The following ZNRF3 variants were observed in gnomAD, a reference collection of about 807,000 sequenced individuals.
ZNRF3 encodes the protein zinc and ring finger 3, also known as E3 ubiquitin-protein ligase ZNRF3.
Under a neutral mutation model 72.5 loss-of-function variants are expected in ZNRF3, and 23 were observed. That is an observed-to-expected ratio of 0.32 (90% confidence interval 0.23 to 0.45). ZNRF3 has a LOEUF of 0.45. ZNRF3 is among the 20% of genes least tolerant of loss of function. The pLI is 1.00. For synonymous variants in ZNRF3, 610 were observed against 545.3 expected, an observed-to-expected ratio of 1.12 and a Z score of -1.65; for missense variants, 1,169 against 1,272.1, an observed-to-expected ratio of 0.92 and a Z score of 1.23.
chr22:28,906,058 C>T (rs181879915), intron 1 of ZNRF3, among the ~76,000 whole-genome samples: 69 of 152,320 alleles, frequency 4.5e-4, no homozygotes, highest in Non-Finnish European at 8.4e-4. Context: ...AGCATGGTGG[C>T]TCACGCCTAT....
chr22:28,890,473 C>G (rs568557867), intron 1 of ZNRF3, among the ~76,000 whole-genome samples: 3 of 152,288 alleles, frequency 2.0e-5, no homozygotes, highest in Non-Finnish European at 4.4e-5. Flanking sequence ...GCACTCCAGC[C>G]TGAGCGACAG....
chr22:29,033,504 A>C (rs575542146), intron 2 of ZNRF3, among the ~76,000 whole-genome samples: 9 of 152,192 alleles, frequency 5.9e-5, no homozygotes, highest in African/African-American at 2.2e-4. Flanking sequence ...ATGATTGAGA[A>C]CGGTCCCTCT....
intron 1 of ZNRF3, among the ~76,000 whole-genome samples, chr22:28,923,588 T>C (rs1330058198): frequency 2.0e-5 from 3 of 152,090 alleles, no homozygotes; most frequent in Non-Finnish European, 4.4e-5. Flanking sequence ...CGTCCCTCCA[T>C]ATACTCACCA....
Position 28,942,717 on chromosome 22 carries a change from C to T in ZNRF3, c.301-44359C>T, listed in dbSNP as rs141613819. 1.4e-3 allele frequency among the ~76,000 whole-genome samples: 215 copies of T among 152,330 alleles called. 5 individuals are homozygous for T. The South Asian group carries it at 0.033, about 23-fold the overall frequency. ...GTTTGAGGTGTCCACTTAAGAGCTG[C>T]AAACTCTATTGACCCTTGTGTCTTT... On this transcript the variant is annotated intron_variant, in intron 1 of 8. Transcript: ENST00000544604.
chr22:28,930,675 C>T lies in ZNRF3; in HGVS notation c.300+46609C>T, dbSNP rs144172263. Among the ~76,000 whole-genome samples the T allele has an allele frequency of 3.0e-3, 455 of 152,278 alleles. 3 individuals carry two copies. Among genetic ancestry groups the T allele is most frequent in the African/African-American group, 0.01 (425 of 41,554 alleles). ...AAATGCCTTTATAAATGTTCCATGG[C>T]GCACTGGTATGTTATTAATGAGCTG... On this transcript the variant is annotated intron_variant, in intron 1 of 8. Transcript: ENST00000544604.
chr22:29,050,903 C>T lies in ZNRF3; in HGVS notation c.2722C>T (p.Leu908Phe), dbSNP rs1348849092. Residue 908 changes from leucine (L) to phenylalanine (F), a missense_variant, in exon 8 of 9, where the codon CTC becomes TTC. This residue lies in a region of ZNRF3 where 783 missense variants were observed against 731.4 expected (regional missense o/e 1.07). Coordinates refer to ENST00000544604, the MANE Select transcript of ZNRF3 (RefSeq NM_001206998.2). ...GAVRANFPSALQDTQESSTTA... is the reference protein window; with the variant it reads ...GAVRANFPSAFQDTQESSTTA... ...TGTCAGGGCCAACTTCCCTAGTGCC[C>T]TCCAGGACACTCAGGAGTCCAGCAC... 1 of 1,558,844 alleles carries T rather than the reference C, an allele frequency of 6.4e-7. No individual in the cohort carries two copies.
chr22:28,968,502 G>A (rs939985339), intron 1 of ZNRF3, among the ~76,000 whole-genome samples: 1 of 152,128 alleles, frequency 6.6e-6, no homozygotes, highest in African/African-American at 2.4e-5. Flanking sequence ...CTGAGGTTAG[G>A]AGTTCAAGAC....
At chr22:28,887,235 A>AGAGTGTGT (rs376319811) in intron 1 of ZNRF3, among the ~76,000 whole-genome samples, 22 of 93,170 alleles carry the variant, frequency 2.4e-4, no homozygotes, top group South Asian at 9.1e-4. Flanking sequence ...AGAGAGAGAG[A>AGAGTGTGT]GTGTGTGTGT....
chr22:28,929,631 A>G lies in ZNRF3; in HGVS notation c.300+45565A>G, dbSNP rs545145161. Among the ~76,000 whole-genome samples the G allele has an allele frequency of 8.5e-5, 13 of 152,362 alleles. No individual in the cohort carries two copies. In the South Asian group the frequency reaches 2.1e-3, roughly 24 times the overall value. The stretch of plus-strand genomic sequence containing the variant: ...TTCTTTTATAATAAGCCCCATCCCA[A>G]TCTGAAAATCCAGAAGTGTCTAGAT... On this transcript the variant is annotated intron_variant, in intron 1 of 8. Transcript: ENST00000544604.
intron 2 of ZNRF3, among the ~76,000 whole-genome samples, chr22:29,035,456 TAAG>T (rs1171133332): frequency 1.3e-5 from 2 of 152,252 alleles, no homozygotes; most frequent in Admixed American, 6.5e-5. Flanking sequence ...GTGTAGCTGG[TAAG>T]AAGAATGAAT....
At chr22:28,943,185 C>T (rs566422111) in intron 1 of ZNRF3, among the ~76,000 whole-genome samples, 2 of 152,296 alleles carry the variant, frequency 1.3e-5, no homozygotes, top group South Asian at 2.1e-4. Flanking sequence ...CCTCCTCCTC[C>T]TTCTGTCTCC....
intron 1 of ZNRF3, among the ~76,000 whole-genome samples, chr22:28,907,474 C>T (rs111281649): frequency 1.1e-4 from 16 of 152,144 alleles, no homozygotes; most frequent in Admixed American, 2.0e-4. Context: ...AATGTACAAG[C>T]GACTCACCAA....
Position 29,051,471 on chromosome 22 carries a change from G to A in ZNRF3, c.2767+523G>A, listed in dbSNP as rs1052945649. Among the ~76,000 whole-genome samples, 3 of 152,130 alleles carry A rather than the reference G, an allele frequency of 2.0e-5. No individual in the cohort carries two copies. In the East Asian group the frequency reaches 5.8e-4, roughly 29 times the overall value. The stretch of plus-strand genomic sequence containing the variant: ...GTACAAAAGTTAGCCAGGGGTGGTG[G>A]CGGGTGCCTGTAGTCCCAGCTACTC... On this transcript the variant is annotated intron_variant, in intron 8 of 8. Transcript: ENST00000544604.
At chr22:29,005,240 A>G (rs1236614278) in intron 2 of ZNRF3, among the ~76,000 whole-genome samples, 1 of 152,236 alleles carries the variant, frequency 6.6e-6, no homozygotes, top group Non-Finnish European at 1.5e-5. Flanking sequence ...CTCACTTGCC[A>G]GGAGGAAAAC....
intron 2 of ZNRF3, among the ~76,000 whole-genome samples, chr22:29,027,468 C>T (rs992647785): frequency 2.0e-5 from 3 of 151,996 alleles, no homozygotes; most frequent in Non-Finnish European, 4.4e-5. Context: ...AGGCTGGTCT[C>T]GAACTCCTGA....
At chr22:29,025,615 A>G (rs1486188486) in intron 2 of ZNRF3, 2 of 151,690 alleles carry the variant, frequency 1.3e-5, no homozygotes, top group African/African-American at 4.8e-5. Flanking sequence ...CTGGAATACA[A>G]GCGCATGATC....
intron 1 of ZNRF3, among the ~76,000 whole-genome samples, chr22:28,898,843 T>C (rs1396748003): frequency 1.3e-5 from 2 of 152,190 alleles, no homozygotes; most frequent in Admixed American, 1.3e-4. Flanking sequence ...AACGTTTGAT[T>C]TTCTAGTCTT....
chr22:28,987,162 A>G lies in ZNRF3; in HGVS notation c.387A>G (p.Pro129=). The change falls in exon 2 of 9, where the codon CCA becomes CCG. Residue 129 remains proline (P), a synonymous_variant. Coordinates refer to ENST00000544604, the MANE Select transcript of ZNRF3 (RefSeq NM_001206998.2). The part of the protein sequence containing the change: ...GWVGVVKLEQ[P]ELDPKPCLTV... ...TAGGAGTGGTGAAGCTGGAACAGCC[A>G]GAATTGGACCCGAAACCATGCCTCA... is the stretch of plus-strand genomic sequence containing the variant. 9 of 1,614,008 alleles carry G rather than the reference A, an allele frequency of 5.6e-6. No individual in the cohort carries two copies. The highest frequency in any genetic ancestry group is 7.6e-6 in the Non-Finnish European group (9 of 1,179,952).
intron 1 of ZNRF3, among the ~76,000 whole-genome samples, chr22:28,900,328 C>G (rs933338902): frequency 2.6e-5 from 4 of 152,214 alleles, no homozygotes; most frequent in Non-Finnish European, 5.9e-5. Context: ...GCCCTGCTCA[C>G]GAGCTTCGGC....
Sources: gnomAD v4.1 joint callset for allele counts (sites outside exome capture counted in the v4.1 genomes callset) on GRCh38, gnomAD v4.1.1 for gene constraint, gnomAD v4.1.1 regional missense constraint, MANE v1.5 for transcripts, NCBI Gene and HGNC (gene_info 2026-07-23, HGNC 2026-07-21) for gene names.